The following TMEM132B variants were observed in gnomAD, a reference collection of about 807,000 sequenced individuals.
TMEM132B encodes the protein transmembrane protein 132B.
TMEM132B carries 18 observed loss-of-function variants against 90.8 expected under a neutral mutation model. The ratio of observed to expected loss-of-function variants is 0.20; its 90% CI spans 0.14 to 0.29. The LOEUF is 0.29. Ranked by LOEUF, TMEM132B falls within the 10% of genes least tolerant of loss-of-function variation. The probability of loss-of-function intolerance (pLI) is 1.00; values close to 1 mark genes in which losing one functional copy is unlikely to be tolerated. For missense variants in TMEM132B, 1,096 were observed against 1,326.8 expected, an observed-to-expected ratio of 0.83 and a Z score of 2.70; for synonymous variants, 504 against 523.3, an observed-to-expected ratio of 0.96 and a Z score of 0.50.
intron 3 of TMEM132B, among the ~76,000 whole-genome samples, chr12:125,483,470 A>G (rs1385393273): frequency 6.6e-6 from 1 of 152,222 alleles, no homozygotes; most frequent in Non-Finnish European, 1.5e-5. Context: ...TAAGGTGTAG[A>G]TAAAAGCAAT....
intron 1 of TMEM132B, among the ~76,000 whole-genome samples, chr12:125,313,519 A>T (rs1182908906): frequency 3.1e-5 from 2 of 65,292 alleles, no homozygotes; most frequent in South Asian, 5.1e-4. Context: ...CCCTTCCTTC[A>T]TTTCCCACCC....
At chr12:125,523,659 T>C (rs1883368762) in intron 4 of TMEM132B, among the ~76,000 whole-genome samples, 1 of 152,220 alleles carries the variant, frequency 6.6e-6, no homozygotes, top group Non-Finnish European at 1.5e-5. Flanking sequence ...TGGAGCTTCC[T>C]CAAACTGGGT....
chr12:125,550,192 A>G (rs1884188752), intron 4 of TMEM132B, among the ~76,000 whole-genome samples: 1 of 152,212 alleles, frequency 6.6e-6, no homozygotes, highest in African/African-American at 2.4e-5. Flanking sequence ...CTCTCGCTCA[A>G]GACACCCAGC....
chr12:125,392,942 G>T (rs1879068100), intron 2 of TMEM132B, among the ~76,000 whole-genome samples: 1 of 152,168 alleles, frequency 6.6e-6, no homozygotes. Flanking sequence ...AGCCCTGGGG[G>T]CCCCGTGATC....
intron 1 of TMEM132B, among the ~76,000 whole-genome samples, chr12:125,193,902 G>A (rs973370700): frequency 1.3e-5 from 2 of 152,220 alleles, no homozygotes; most frequent in African/African-American, 2.4e-5. Flanking sequence ...AAGCAGAGGA[G>A]CTCAGAGGAG....
At chr12:125,456,496 C>T (rs780997819) in intron 3 of TMEM132B, among the ~76,000 whole-genome samples, 12 of 152,194 alleles carry the variant, frequency 7.9e-5, no homozygotes, top group Non-Finnish European at 1.3e-4. Flanking sequence ...TTCTGGGAGC[C>T]GGGATCTAGG....
chr12:125,566,102 A>G (rs920589158), intron 4 of TMEM132B, among the ~76,000 whole-genome samples: 1 of 152,202 alleles, frequency 6.6e-6, no homozygotes, highest in African/African-American at 2.4e-5. Context: ...TATGCTACTT[A>G]CCAGTTCTGC....
chr12:125,420,365 T>TGC (rs1281411379), intron 3 of TMEM132B, among the ~76,000 whole-genome samples: 1 of 152,228 alleles, frequency 6.6e-6, no homozygotes, highest in African/African-American at 2.4e-5. Context: ...TTAACTTCTG[T>TGC]GCACCTTCAG....
At chr12:125,264,732 G>C (rs561574242) in intron 1 of TMEM132B, among the ~76,000 whole-genome samples, 4 of 150,806 alleles carry the variant, frequency 2.7e-5, no homozygotes, top group Admixed American at 2.0e-4. Context: ...AATTTAAAGT[G>C]GCCTAATTTG....
rs1267221831 is a variant in TMEM132B at position 125,661,122 on chromosome 12, C to T, written c.*6412C>T. Reference sequence around the variant, plus strand: ...AGGCTGGAGCTGAAATAGTCTGCCACGTTATTGTTATCTCCTTTGTAAGAA... The same window carrying T: ...AGGCTGGAGCTGAAATAGTCTGCCATGTTATTGTTATCTCCTTTGTAAGAA... On this transcript the variant is annotated 3_prime_UTR_variant, in exon 9 of 9. Transcript: ENST00000682704. The T allele has an allele frequency of 9.9e-5, 15 of 152,284 alleles. 1 individual carries two copies. Among genetic ancestry groups the T allele is most frequent in the Admixed American group, 7.2e-4 (11 of 15,294 alleles). 9.4% of individuals were successfully genotyped at this position (152,284 alleles called of 1,614,324 possible). A position where few individuals can be genotyped will look rare whatever the true frequency, so the allele number is the denominator to read the frequency against.
At chr12:125,446,064 C>T (rs1880999721) in intron 3 of TMEM132B, among the ~76,000 whole-genome samples, 1 of 152,250 alleles carries the variant, frequency 6.6e-6, no homozygotes, top group South Asian at 2.1e-4. Flanking sequence ...CAAGTTGTTC[C>T]TTTCTTGGAT....
intron 4 of TMEM132B, among the ~76,000 whole-genome samples, chr12:125,535,782 G>A (rs1883779041): frequency 6.6e-6 from 1 of 152,196 alleles, no homozygotes; most frequent in Non-Finnish European, 1.5e-5. Context: ...TCTGGAAAAT[G>A]TCCACTTTGC....
intron 5 of TMEM132B, among the ~76,000 whole-genome samples, chr12:125,592,089 A>T (rs993309337): frequency 6.6e-6 from 1 of 152,152 alleles, no homozygotes; most frequent in Non-Finnish European, 1.5e-5. Flanking sequence ...CACAGTGTGT[A>T]TTCTTTTCTT....
At chr12:125,388,766 C>G (rs1392341428) in intron 2 of TMEM132B, among the ~76,000 whole-genome samples, 1 of 152,230 alleles carries the variant, frequency 6.6e-6, no homozygotes, top group Admixed American at 6.5e-5. Flanking sequence ...GCCATCCCTG[C>G]TCGTCTTCTG....
chr12:125,254,072 T>C (rs1874374908), intron 1 of TMEM132B, among the ~76,000 whole-genome samples: 1 of 152,104 alleles, frequency 6.6e-6, no homozygotes, highest in South Asian at 2.1e-4. Context: ...GGAGGATTAC[T>C]TGAGCCCAGG....
At chr12:125,214,654 C>T (rs1429275146) in intron 1 of TMEM132B, among the ~76,000 whole-genome samples, 1 of 152,186 alleles carries the variant, frequency 6.6e-6, no homozygotes, top group Non-Finnish European at 1.5e-5. Context: ...CTGTCAGGCC[C>T]AAACAACACG....
intron 1 of TMEM132B, among the ~76,000 whole-genome samples, chr12:125,261,931 A>G (rs1001213894): frequency 3.9e-5 from 6 of 152,156 alleles, no homozygotes; most frequent in African/African-American, 1.4e-4. Flanking sequence ...CCTGGGCTCA[A>G]GTGATCCTCC....
At chr12:125,370,028 G>A (rs1047540326) in intron 2 of TMEM132B, among the ~76,000 whole-genome samples, 9 of 152,132 alleles carry the variant, frequency 5.9e-5, no homozygotes, top group Admixed American at 4.6e-4. Flanking sequence ...CAACCTGGGC[G>A]ACAGAGTGAG....
At chr12:125,201,057 G>A (rs1873046047) in intron 1 of TMEM132B, among the ~76,000 whole-genome samples, 1 of 148,320 alleles carries the variant, frequency 6.7e-6, no homozygotes, top group Non-Finnish European at 1.5e-5. Flanking sequence ...AATTTATGAT[G>A]GAAATTTTAT....
Sources: allele counts gnomAD v4.1 joint callset (sites outside exome capture counted in the v4.1 genomes callset), GRCh38; gene constraint gnomAD v4.1.1; transcripts MANE v1.5; gene names NCBI Gene and HGNC (gene_info 2026-07-23, HGNC 2026-07-21).